GLIS3: variants seen among roughly 807,000 people sequenced by gnomAD.
GLIS3 encodes zinc finger protein GLIS3.
In GLIS3, 53 loss-of-function variants were observed where a neutral mutation model predicts 78.6. The observed-to-expected ratio is 0.67, with a 90% CI of 0.54 to 0.85. The LOEUF is 0.85. Ranked by LOEUF, GLIS3 falls within the 40% of genes least tolerant of loss-of-function variation. The pLI, the probability that GLIS3 is intolerant of heterozygous loss-of-function variation, is 0.00. For synonymous variants in GLIS3, 684 were observed against 509.9 expected, an observed-to-expected ratio of 1.34 and a Z score of -4.60; for missense variants, 1,703 against 1,231.1, an observed-to-expected ratio of 1.38 and a Z score of -5.74.
At chr9:4,420,894 A>T in the GLIS3 span, among the ~76,000 whole-genome samples, 40 of 152,184 alleles carry the variant, frequency 2.6e-4, no homozygotes, top group Non-Finnish European at 5.0e-4. Flanking sequence ...AGCTATTTAT[A>T]TCTCCCCCAT....
intron 2 of GLIS3, among the ~76,000 whole-genome samples, chr9:4,279,358 C>G (rs1193878200): frequency 2.0e-5 from 1 of 50,030 alleles, no homozygotes; most frequent in Non-Finnish European, 4.6e-5. Flanking sequence ...CACACACACA[C>G]ACACATAATA....
At chr9:4,105,352 G>T (rs1830668168) in intron 4 of GLIS3, among the ~76,000 whole-genome samples, 1 of 152,166 alleles carries the variant, frequency 6.6e-6, no homozygotes, top group Non-Finnish European at 1.5e-5. Flanking sequence ...AGGCACAGCT[G>T]TTTGACAAGT....
intron 6 of GLIS3, among the ~76,000 whole-genome samples, chr9:3,919,565 G>A (rs954647759): frequency 6.7e-6 from 1 of 150,192 alleles, no homozygotes; most frequent in Non-Finnish European, 1.5e-5. Context: ...AAAATAATCT[G>A]TACAACAAAC....
the GLIS3 span, among the ~76,000 whole-genome samples, chr9:4,460,814 T>G: frequency 6.6e-6 from 1 of 152,210 alleles, no homozygotes; most frequent in African/African-American, 2.4e-5. Context: ...ACAAAGTATT[T>G]CAAATCTGGA....
intron 2 of GLIS3, among the ~76,000 whole-genome samples, chr9:4,274,293 C>G (rs1826792505): frequency 6.6e-6 from 1 of 152,148 alleles, no homozygotes; most frequent in South Asian, 2.1e-4. Context: ...ATCCCTTGAT[C>G]AAAAAGCAAG....
intron 2 of GLIS3, among the ~76,000 whole-genome samples, chr9:4,176,434 C>T (rs1442933579): frequency 6.6e-6 from 1 of 152,216 alleles, no homozygotes; most frequent in South Asian, 2.1e-4. Flanking sequence ...TCTAGTTGTA[C>T]TTTAAAATTA....
At chr9:3,882,311 T>A (rs993114954) in intron 7 of GLIS3, among the ~76,000 whole-genome samples, 2 of 152,206 alleles carry the variant, frequency 1.3e-5, no homozygotes, top group African/African-American at 2.4e-5. Context: ...TGTTGACGGT[T>A]GCGCCATTGG....
intron 4 of GLIS3, among the ~76,000 whole-genome samples, chr9:3,941,174 C>T (rs908287022): frequency 6.6e-6 from 1 of 152,136 alleles, no homozygotes; most frequent in African/African-American, 2.4e-5. Context: ...TGATGAAAAT[C>T]TTGTGACAAA....
At chr9:4,235,358 C>G (rs1216253055) in intron 2 of GLIS3, among the ~76,000 whole-genome samples, 2 of 149,222 alleles carry the variant, frequency 1.3e-5, no homozygotes, top group African/African-American at 5.0e-5. Flanking sequence ...TGGGGAGGGT[C>G]TCCTGAAATA....
chr9:4,124,191 G>GA (rs1045426435), intron 3 of GLIS3, among the ~76,000 whole-genome samples: 23 of 148,552 alleles, frequency 1.5e-4, no homozygotes, highest in African/African-American at 3.5e-4. Flanking sequence ...TGCTCATCCT[G>GA]AAAAAAAAAA....
intron 2 of GLIS3, among the ~76,000 whole-genome samples, chr9:4,159,033 G>GAAAAAAAAAAAAAAAA (rs1315271767): frequency 2.3e-5 from 2 of 87,682 alleles, no homozygotes; most frequent in African/African-American, 8.1e-5. Flanking sequence ...AGGAGAAGAA[G>GAAAAAAAAAAAAAAAA]AAAAAAAAAA....
chr9:4,179,781 A>G (rs955665900), intron 2 of GLIS3, among the ~76,000 whole-genome samples: 10 of 151,948 alleles, frequency 6.6e-5, no homozygotes, highest in Non-Finnish European at 1.3e-4. Context: ...TTGGTGGCGC[A>G]TGCCTGTAAT....
chr9:3,843,590 G>C (rs143460242), intron 9 of GLIS3, among the ~76,000 whole-genome samples: 3,312 of 152,196 alleles, frequency 0.022, 149 homozygotes, highest in African/African-American at 0.077. Flanking sequence ...AGTATTTATT[G>C]GGCAATTTCT....
intron 4 of GLIS3, among the ~76,000 whole-genome samples, chr9:4,023,829 A>G (rs1348295789): frequency 1.3e-5 from 2 of 151,930 alleles, no homozygotes; most frequent in African/African-American, 2.4e-5. Context: ...TTTGTTACTG[A>G]CCCTCAATTA....
the GLIS3 span, among the ~76,000 whole-genome samples, chr9:4,404,368 T>C: frequency 2.6e-5 from 4 of 152,112 alleles, no homozygotes; most frequent in Non-Finnish European, 5.9e-5. Flanking sequence ...ATGGAACAAA[T>C]GAACCTAATG....
intron 6 of GLIS3, among the ~76,000 whole-genome samples, chr9:3,930,076 C>T (rs1825516349): frequency 6.6e-6 from 1 of 152,148 alleles, no homozygotes; most frequent in African/African-American, 2.4e-5. Flanking sequence ...AATGACATTT[C>T]CTTTTTCTGT....
chr9:3,873,608 A>G (rs1821106127), intron 8 of GLIS3, among the ~76,000 whole-genome samples: 1 of 152,198 alleles, frequency 6.6e-6, no homozygotes, highest in Non-Finnish European at 1.5e-5. Flanking sequence ...CATTCTATAC[A>G]TGTAACAAAA....
At chr9:4,326,680 T>A (rs959650432) in intron 2 of GLIS3, among the ~76,000 whole-genome samples, 1 of 152,042 alleles carries the variant, frequency 6.6e-6, no homozygotes, top group African/African-American at 2.4e-5. Flanking sequence ...AAAAAGTAGT[T>A]TGAATAGTAA....
At chr9:4,356,316 T>C in the GLIS3 span, among the ~76,000 whole-genome samples, 1 of 152,192 alleles carries the variant, frequency 6.6e-6, no homozygotes, top group Non-Finnish European at 1.5e-5. Flanking sequence ...CCAGTGTCTT[T>C]CTTTTGCATC....
Sources: allele counts gnomAD v4.1 joint callset (sites outside exome capture counted in the v4.1 genomes callset), GRCh38; gene constraint gnomAD v4.1.1; transcripts MANE v1.5; gene names NCBI Gene and HGNC (gene_info 2026-07-23, HGNC 2026-07-21).